KMT5C: variants seen among roughly 807,000 people sequenced by gnomAD.
The protein encoded by KMT5C is histone-lysine N-methyltransferase KMT5C.
A neutral mutation model predicts 38.2 loss-of-function variants in KMT5C; 16 were observed. The observed-to-expected ratio is 0.42, with a 90% CI of 0.28 to 0.64. KMT5C has a LOEUF of 0.64. Among genes scored for constraint, KMT5C ranks in the 30% least tolerant of loss-of-function variants. The pLI, the probability that KMT5C is intolerant of heterozygous loss-of-function variation, is 0.23. For missense variants in KMT5C, 598 were observed against 665.1 expected (o/e 0.90, Z 1.11); for synonymous variants, 291 against 279.0 (o/e 1.04, Z -0.43).
intron 6 of KMT5C, among the ~76,000 whole-genome samples, chr19:55,345,351 G>T (rs958397612): frequency 2.0e-5 from 3 of 152,160 alleles, no homozygotes; most frequent in African/African-American, 7.2e-5. Flanking sequence ...CTCCCCCCAG[G>T]GTGTATAATG....
In KMT5C at chr19:55,346,122, G is replaced by A. The variant is rs2089613418; in HGVS notation, c.571-91G>A. On this transcript the variant is annotated intron_variant, in intron 6 of 8. Coordinates refer to ENST00000255613, the MANE Select transcript of KMT5C (RefSeq NM_032701.4). Reference sequence around the variant, plus strand: ...CTGTTGCCCCATTCCAGGAGAGGACGCTCCGGGCCAGGGTGCCCGGCCAGG... The same window carrying A: ...CTGTTGCCCCATTCCAGGAGAGGACACTCCGGGCCAGGGTGCCCGGCCAGG... 1.0e-5 allele frequency: 15 copies of A among 1,507,424 alleles called. 1 individual carries two copies. Among genetic ancestry groups the A allele is most frequent in the East Asian group, 6.8e-5 (3 of 44,254 alleles). The allele number at this position is 1,507,424 out of a possible 1,614,324, so 93.4% of individuals were successfully genotyped here.
In KMT5C at chr19:55,342,363, G is replaced by A; in HGVS notation, c.259G>A (p.Ala87Thr). 1 of 1,535,874 alleles carries A rather than the reference G, an allele frequency of 6.5e-7. No homozygotes were observed. ...CCAGAGCCGGGGCCCGCGGCAGGAGGCTGCCCTCAAGACCCACGTGAGGGC... is the reference window on the plus strand; with the variant it reads ...CCAGAGCCGGGGCCCGCGGCAGGAGACTGCCCTCAAGACCCACGTGAGGGC... ...YFQSRGPRQE[A>T]ALKTHVYRYL... The change falls in exon 3 of 9, where the codon GCT becomes ACT. Residue 87 changes from alanine to threonine, a missense_variant. By Grantham distance (58) the Ala-to-Thr change is moderately conservative. This residue lies in a region of KMT5C where 167 missense variants were observed against 187.8 expected (regional missense o/e 0.89). Transcript: ENST00000255613.
chr19:55,343,173 A>AGCCCCTGCCCCTGCCCCTGCCCCT lies in KMT5C; in HGVS notation c.386+342_386+343insCCCTGCCCCTGCCCCTGCCCCTGC, dbSNP rs71181758. On this transcript the variant is annotated intron_variant, in intron 4 of 8. Transcript: ENST00000255613. This position sits in a 1 kb window ranked among gnomAD's most constrained non-coding sequence, Gnocchi z 5.5. ...TTAAACACCCCTGAGTGCAATGAGG[A>AGCCCCTGCCCCTGCCCCTGCCCCT]GCCCCTGCCCCTGCCCCTGCGGGGT... 1.8e-4 allele frequency: 48 copies of AGCCCCTGCCCCTGCCCCTGCCCCT among 260,442 alleles called. No individual in the cohort carries two copies. Among genetic ancestry groups the AGCCCCTGCCCCTGCCCCTGCCCCT allele is most frequent in the African/African-American group, 1.2e-3 (48 of 40,094 alleles). 16.1% of individuals were successfully genotyped at this position (260,442 alleles called of 1,614,324 possible).
chr19:55,340,972 G>A (rs1015233238), intron 1 of KMT5C, among the ~76,000 whole-genome samples: 5 of 151,644 alleles, frequency 3.3e-5, no homozygotes, highest in Non-Finnish European at 7.4e-5. Flanking sequence ...GTCTGTCCCC[G>A]ACCCCTCCAC....
intron 3 of KMT5C, 61 bp from the exon 4 acceptor site, chr19:55,342,681 G>C: frequency 1.0e-6 from 1 of 972,154 alleles, no homozygotes; most frequent in East Asian, 2.4e-5. Flanking sequence ...TAGAGTCCTG[G>C]AGAGAGAGGG....
In KMT5C at chr19:55,343,604, C is replaced by A; in HGVS notation, c.387-76C>A. 1 of 1,453,430 alleles carries A rather than the reference C, an allele frequency of 6.9e-7. No individual in the cohort carries two copies. Among genetic ancestry groups the A allele is most frequent in the Non-Finnish European group, 9.4e-7 (1 of 1,068,688 alleles). 90.0% of individuals were successfully genotyped at this position (1,453,430 alleles called of 1,614,324 possible). On this transcript the variant is annotated intron_variant, in intron 4 of 8. Transcript: ENST00000255613. This position sits in a 1 kb window ranked among gnomAD's most constrained non-coding sequence, Gnocchi z 5.5. ...TCCCTCCTTCCTGGGTGCCTCTGTG[C>A]CGGAGGCCCGAGTCCCCTGAACACC...
chr19:55,341,597 AGTCT>A (rs1463757528), intron 1 of KMT5C, 193 bp from the exon 2 acceptor site: 4 of 330,528 alleles, frequency 1.2e-5, no homozygotes, highest in Non-Finnish European at 2.3e-5. Context: ...TGCGTGTGTC[AGTCT>A]GAGTGTGCAT....
At position 55,346,973 on chromosome 19, in the gene KMT5C, C is replaced by A. The variant is rs767773551; in HGVS notation, c.913C>A (p.Arg305Ser). Residue 305 changes from arginine to serine, a missense_variant, in exon 9 of 9, where the codon CGC becomes AGC. Transcript: ENST00000255613. Reference sequence around the variant, plus strand: ...CTTCACAGCCGCCTGCCAGCCCCTGCGCCTGCCAGCCTGCAGCGCCCGCCC... The same window carrying A: ...CTTCACAGCCGCCTGCCAGCCCCTGAGCCTGCCAGCCTGCAGCGCCCGCCC... ...DPFCAACQPL[R>S]LPACSARPDT... 9.5e-7 allele frequency: 1 copy of A among 1,050,832 alleles called. No individual in the cohort carries two copies. Among genetic ancestry groups the A allele is most frequent in the Non-Finnish European group, 1.5e-6 (1 of 683,584 alleles). The allele number at this position is 1,050,832 out of a possible 1,614,324, so 65.1% of individuals were successfully genotyped here.
chr19:55,347,620 C>T lies in KMT5C; in HGVS notation c.*171C>T. 8.8e-7 allele frequency: 1 copy of T among 1,130,096 alleles called. No individual in the cohort carries two copies. Among genetic ancestry groups the T allele is most frequent in the Non-Finnish European group, 1.2e-6 (1 of 847,474 alleles). 70.0% of individuals were successfully genotyped at this position (1,130,096 alleles called of 1,614,324 possible). A position where few individuals can be genotyped will look rare whatever the true frequency, so the allele number is the denominator to read the frequency against. On this transcript the variant is annotated 3_prime_UTR_variant, in exon 9 of 9. Transcript: ENST00000255613. This position sits in a 1 kb window ranked among gnomAD's most constrained non-coding sequence, Gnocchi z 4.6. Reference sequence around the variant, plus strand: ...ACACCCCCAGGGATCTGAGCCCTGACCCTTTGTGACTGCTGACCCCTGAGC... The same window carrying T: ...ACACCCCCAGGGATCTGAGCCCTGATCCTTTGTGACTGCTGACCCCTGAGC...
chr19:55,341,746 C>T (rs373924039), intron 1 of KMT5C, 48 bp from the exon 2 acceptor site: 3 of 596,164 alleles, frequency 5.0e-6, no homozygotes, highest in Non-Finnish European at 9.1e-6. Flanking sequence ...ATTCCATCTT[C>T]GCCAGCGGCC....
At chr19:55,345,950 A>G in intron 6 of KMT5C, 1 of 531,018 alleles carries the variant, frequency 1.9e-6, no homozygotes, top group East Asian at 3.3e-5. Flanking sequence ...CACTGCTGGC[A>G]CTGCACGCTG....
At chr19:55,342,670 C>T in intron 3 of KMT5C, 72 bp from the exon 4 acceptor site, 1 of 880,426 alleles carries the variant, frequency 1.1e-6, no homozygotes, top group Non-Finnish European at 1.9e-6. Flanking sequence ...CATGGCAGGC[C>T]TAGAGTCCTG....
At position 55,343,301 on chromosome 19, in the gene KMT5C, C is replaced by T; in HGVS notation, c.387-379C>T. On this transcript the variant is annotated intron_variant, in intron 4 of 8. Coordinates refer to ENST00000255613, the MANE Select transcript of KMT5C (RefSeq NM_032701.4). The surrounding 1 kb of genome is among the most constrained non-coding windows in gnomAD (Gnocchi z 5.5). ...AGCTGTGAGGAATGAGCAAGTGCTCCCAGGGCGAGGCTCACACTGACAGGG... is the reference window on the plus strand; with the variant it reads ...AGCTGTGAGGAATGAGCAAGTGCTCTCAGGGCGAGGCTCACACTGACAGGG... 1.5e-5 allele frequency: 5 copies of T among 325,562 alleles called. No individual in the cohort carries two copies. The South Asian group carries it at 1.9e-4, about 12-fold the overall frequency. 20.2% of individuals were successfully genotyped at this position (325,562 alleles called of 1,614,324 possible). A position where few individuals can be genotyped will look rare whatever the true frequency, so the allele number is the denominator to read the frequency against.
In KMT5C at chr19:55,343,560, C is replaced by A; in HGVS notation, c.387-120C>A. On this transcript the variant is annotated intron_variant, in intron 4 of 8. Transcript: ENST00000255613. The surrounding 1 kb of genome is among the most constrained non-coding windows in gnomAD (Gnocchi z 5.5). ...ATCTGGAAGATGGATCGCCAATAGC[C>A]AGCACCAGCGCCCAGGAGTCCCTCC... 2.1e-6 allele frequency: 2 copies of A among 959,276 alleles called. No individual in the cohort carries two copies. Among genetic ancestry groups the A allele is most frequent in the Non-Finnish European group, 3.1e-6 (2 of 649,132 alleles). 59.4% of individuals were successfully genotyped at this position (959,276 alleles called of 1,614,324 possible).
Position 55,342,735 on chromosome 19 carries a change from T to TC in KMT5C, c.277-6dup, listed in dbSNP as rs1569019801. ...CGCCTCCTCACCCCCACCCTCACCC[T>TC]CACCAGGTCTATCGCTACCTCCGTG... On this transcript the variant is annotated splice_polypyrimidine_tract_variant and splice_region_variant and intron_variant, in intron 3 of 8. Transcript: ENST00000255613. 4 of 1,341,650 alleles carry TC rather than the reference T, an allele frequency of 3.0e-6. No homozygotes were observed. The highest frequency in any genetic ancestry group is 3.4e-5 in the Admixed American group (2 of 58,658). 83.1% of individuals were successfully genotyped at this position (1,341,650 alleles called of 1,614,324 possible). A position where few individuals can be genotyped will look rare whatever the true frequency, so the allele number is the denominator to read the frequency against.
intron 7 of KMT5C, 74 bp downstream of exon 7, chr19:55,346,423 C>T: frequency 6.2e-7 from 1 of 1,609,080 alleles, no homozygotes; most frequent in Non-Finnish European, 8.5e-7. Flanking sequence ...CCTCGGGACC[C>T]ATCCCTGAGT....
chr19:55,345,544 T>C (rs1406400535), intron 6 of KMT5C, among the ~76,000 whole-genome samples: 1 of 152,006 alleles, frequency 6.6e-6, no homozygotes, highest in Non-Finnish European at 1.5e-5. Context: ...GGCCGGTTGG[T>C]CTGGGGGCCG....
At chr19:55,346,184 C>A (rs368354223) in intron 6 of KMT5C, 29 bp from the exon 7 acceptor site, 2 of 1,612,442 alleles carry the variant, frequency 1.2e-6, no homozygotes, top group Non-Finnish European at 1.7e-6. Context: ...GTGCCCTGGG[C>A]CAGGGCGCTG....
At chr19:55,342,077 G>C in intron 2 of KMT5C, 31 bp downstream of exon 2, 1 of 1,587,218 alleles carries the variant, frequency 6.3e-7, no homozygotes, top group Non-Finnish European at 8.6e-7. Context: ...GGGTGGGCCC[G>C]AGGGGTCAGG....
Sources: gnomAD v4.1 joint callset for allele counts (sites outside exome capture counted in the v4.1 genomes callset) on GRCh38, gnomAD v4.1.1 for gene constraint, gnomAD v4.1.1 regional missense constraint, Gnocchi (gnomAD v3.1) non-coding constraint, MANE v1.5 for transcripts, NCBI Gene and HGNC (gene_info 2026-07-23, HGNC 2026-07-21) for gene names.